LINGO2: variants seen among roughly 807,000 people sequenced by gnomAD.
LINGO2 encodes the protein leucine-rich repeat and immunoglobulin-like domain-containing nogo receptor-interacting protein 2.
LINGO2 carries 14 observed loss-of-function variants against 30.6 expected under a neutral mutation model. The observed-to-expected ratio is 0.46, with a 90% CI of 0.30 to 0.72. LINGO2 has a LOEUF of 0.72. Ranked by LOEUF, LINGO2 falls within the 30% of genes least tolerant of loss-of-function variation. The probability of loss-of-function intolerance (pLI) is 0.07; values close to 1 mark genes in which losing one functional copy is unlikely to be tolerated. For synonymous variants in LINGO2, 317 were observed against 288.5 expected, an observed-to-expected ratio of 1.10 and a Z score of -1.00; for missense variants, 729 against 751.7, an observed-to-expected ratio of 0.97 and a Z score of 0.35.
intron 1 of LINGO2, among the ~76,000 whole-genome samples, chr9:28,646,231 T>C (rs1038612639): frequency 6.6e-6 from 1 of 152,062 alleles, no homozygotes; most frequent in Non-Finnish European, 1.5e-5. Context: ...AAGAAGTCCA[T>C]GGAAAAGTCC....
chr9:28,709,660 A>T, the LINGO2 span, among the ~76,000 whole-genome samples: 1 of 152,064 alleles, frequency 6.6e-6, no homozygotes, highest in African/African-American at 2.4e-5. Flanking sequence ...ATAATACTTC[A>T]TTTATCTAAA....
the LINGO2 span, among the ~76,000 whole-genome samples, chr9:28,683,317 T>G: frequency 6.6e-6 from 1 of 152,144 alleles, no homozygotes; most frequent in Non-Finnish European, 1.5e-5. Context: ...AGTTAAGTTT[T>G]GTACCATCAT....
At chr9:28,379,585 G>A (rs543086526) in intron 2 of LINGO2, among the ~76,000 whole-genome samples, 111 of 152,262 alleles carry the variant, frequency 7.3e-4, no homozygotes, top group Middle Eastern at 3.4e-3. Context: ...TTAGGCAAGA[G>A]TGCAGAGCAG....
the LINGO2 span, among the ~76,000 whole-genome samples, chr9:28,829,054 C>A: frequency 6.6e-6 from 1 of 152,208 alleles, no homozygotes; most frequent in East Asian, 1.9e-4. Context: ...CACTCCCCAT[C>A]CTGCAGCCAT....
chr9:28,103,412 C>T (rs936611117), intron 4 of LINGO2, among the ~76,000 whole-genome samples: 3 of 152,126 alleles, frequency 2.0e-5, no homozygotes, highest in African/African-American at 7.2e-5. Context: ...GATGATGCAA[C>T]TTCCCAACCG....
At chr9:28,922,940 A>G in the LINGO2 span, among the ~76,000 whole-genome samples, 1 of 152,190 alleles carries the variant, frequency 6.6e-6, no homozygotes, top group Non-Finnish European at 1.5e-5. Flanking sequence ...TGTCTTTATA[A>G]AAGGGAGGTG....
intron 2 of LINGO2, among the ~76,000 whole-genome samples, chr9:28,467,321 C>T (rs1459294321): frequency 6.6e-6 from 1 of 152,044 alleles, no homozygotes; most frequent in African/African-American, 2.4e-5. Flanking sequence ...GCCACCATGC[C>T]TGGCCCCCTA....
the LINGO2 span, among the ~76,000 whole-genome samples, chr9:29,038,241 A>T: frequency 6.6e-6 from 1 of 152,064 alleles, no homozygotes; most frequent in East Asian, 1.9e-4. Flanking sequence ...CCATCAGTAC[A>T]TGAGTGTTCC....
intron 1 of LINGO2, among the ~76,000 whole-genome samples, chr9:28,657,192 T>A (rs1173003385): frequency 6.6e-6 from 1 of 152,108 alleles, no homozygotes; most frequent in Non-Finnish European, 1.5e-5. Flanking sequence ...AATATATATA[T>A]AACAAAATTC....
At chr9:28,833,870 A>G in the LINGO2 span, among the ~76,000 whole-genome samples, 20 of 152,178 alleles carry the variant, frequency 1.3e-4, no homozygotes, top group African/African-American at 3.4e-4. Flanking sequence ...CATCTTTCCA[A>G]TCCCAGCCCA....
intron 4 of LINGO2, among the ~76,000 whole-genome samples, chr9:28,082,639 T>A (rs1199693798): frequency 6.6e-6 from 1 of 152,210 alleles, no homozygotes; most frequent in East Asian, 1.9e-4. Context: ...TTAGTTTTTC[T>A]AATCAGAGTT....
intron 4 of LINGO2, among the ~76,000 whole-genome samples, chr9:28,185,372 TA>T (rs59764686): frequency 0.057 from 8,743 of 152,230 alleles, 390 homozygotes; most frequent in South Asian, 0.15. Flanking sequence ...ATGTTAGTAT[TA>T]ATCAAATATG....
exon 6 of LINGO2, chr9:27,949,398 C>T (rs766071387): frequency 1.2e-6 from 2 of 1,614,100 alleles, no homozygotes; most frequent in South Asian, 2.2e-5. Flanking sequence ...GACTGTCTGC[C>T]CTTCATCTAC....
At chr9:28,646,026 C>G (rs898391313) in intron 1 of LINGO2, among the ~76,000 whole-genome samples, 1 of 152,120 alleles carries the variant, frequency 6.6e-6, no homozygotes, top group Non-Finnish European at 1.5e-5. Context: ...ATATTTATCA[C>G]ATTTAATTGT....
At chr9:28,284,039 T>C (rs945819431) in intron 4 of LINGO2, among the ~76,000 whole-genome samples, 6 of 152,168 alleles carry the variant, frequency 3.9e-5, no homozygotes, top group African/African-American at 1.4e-4. Context: ...CTTGCAAATA[T>C]TTTATCAAAT....
At chr9:28,308,984 G>A (rs923213657) in intron 3 of LINGO2, among the ~76,000 whole-genome samples, 1 of 152,192 alleles carries the variant, frequency 6.6e-6, no homozygotes, top group Admixed American at 6.5e-5. Context: ...ACTGTTGGTG[G>A]GACTGTAAAC....
intron 5 of LINGO2, among the ~76,000 whole-genome samples, chr9:27,976,169 G>A (rs537284859): frequency 3.2e-4 from 49 of 152,128 alleles, no homozygotes; most frequent in Non-Finnish European, 6.2e-4. Context: ...GTTAACATAT[G>A]TAAAGTGCTT....
chr9:28,930,997 T>G, the LINGO2 span, among the ~76,000 whole-genome samples: 1 of 152,210 alleles, frequency 6.6e-6, no homozygotes, highest in African/African-American at 2.4e-5. This position sits in a 1 kb window ranked among gnomAD's most constrained non-coding sequence, Gnocchi z 4.2. Context: ...AGCCATTCCT[T>G]CTTCTGGCAG....
chr9:28,805,439 G>T, the LINGO2 span, among the ~76,000 whole-genome samples: 216 of 152,156 alleles, frequency 1.4e-3, no homozygotes, highest in African/African-American at 4.9e-3. Flanking sequence ...CTACCACATG[G>T]CTTCTCTATA....
Sources: gnomAD v4.1 joint callset for allele counts (sites outside exome capture counted in the v4.1 genomes callset) on GRCh38, gnomAD v4.1.1 for gene constraint, Gnocchi (gnomAD v3.1) non-coding constraint, MANE v1.5 for transcripts, NCBI Gene and HGNC (gene_info 2026-07-23, HGNC 2026-07-21) for gene names.